TMEM132C: variants seen among roughly 807,000 people sequenced by gnomAD.
The protein encoded by TMEM132C is transmembrane protein 132C.
Under a neutral mutation model 61.4 loss-of-function variants are expected in TMEM132C, and 29 were observed. That is an observed-to-expected ratio of 0.47 (90% CI 0.35 to 0.64). TMEM132C has a LOEUF of 0.64. Ranked by LOEUF, TMEM132C falls within the 30% of genes least tolerant of loss-of-function variation. The pLI is 0.00. For synonymous variants in TMEM132C, 656 were observed against 633.1 expected, an observed-to-expected ratio of 1.04 and a Z score of -0.54; for missense variants, 1,408 against 1,476.9, an observed-to-expected ratio of 0.95 and a Z score of 0.76.
chr12:128,267,182 C>G lies in TMEM132C; in HGVS notation c.-221C>G, dbSNP rs1377859779. Among the ~76,000 whole-genome samples, 11 of 146,424 alleles carry G rather than the reference C, an allele frequency of 7.5e-5. No homozygotes were observed. The highest frequency in any genetic ancestry group is 1.7e-4 in the Non-Finnish European group (11 of 65,878). Reference sequence around the variant, plus strand: ...GGAGGCTGCGGGAGAAAAGTTGTCCCGGCCGGAGCGCGAGCAGCGGCGGAG... The same window carrying G: ...GGAGGCTGCGGGAGAAAAGTTGTCCGGGCCGGAGCGCGAGCAGCGGCGGAG... On this transcript the variant is annotated 5_prime_UTR_variant, in exon 1 of 9. Coordinates refer to ENST00000435159, the MANE Select transcript of TMEM132C (RefSeq NM_001136103.3).
intron 1 of TMEM132C, among the ~76,000 whole-genome samples, chr12:128,272,824 T>C (rs1158707552): frequency 6.6e-6 from 1 of 152,214 alleles, no homozygotes; most frequent in Non-Finnish European, 1.5e-5. Context: ...GTGAAATATC[T>C]TTTTCAAATA....
At chr12:128,580,205 G>A (rs1286628293) in intron 3 of TMEM132C, among the ~76,000 whole-genome samples, 4 of 152,070 alleles carry the variant, frequency 2.6e-5, no homozygotes, top group Non-Finnish European at 5.9e-5. Flanking sequence ...TAGCCTGGCA[G>A]ATAGATCGAG....
intron 2 of TMEM132C, among the ~76,000 whole-genome samples, chr12:128,526,911 A>C (rs558671441): frequency 6.6e-6 from 1 of 152,274 alleles, no homozygotes; most frequent in South Asian, 2.1e-4. Flanking sequence ...CAGCATGGGG[A>C]ACAGATCATG....
intron 1 of TMEM132C, among the ~76,000 whole-genome samples, chr12:128,393,584 G>T (rs1874840271): frequency 6.6e-6 from 1 of 152,150 alleles, no homozygotes; most frequent in Non-Finnish European, 1.5e-5. Flanking sequence ...ACATCTCTTA[G>T]CTTTCTTCTG....
chr12:128,508,143 C>T lies in TMEM132C; in HGVS notation c.975-35814C>T, dbSNP rs572123192. On this transcript the variant is annotated intron_variant, in intron 2 of 8. Transcript: ENST00000435159. ...GAGGTTTAATGGACTCACAGTTCCA[C>T]ATGGCTGGGGAGGCCTCACGATCAT... 2.7e-3 allele frequency among the ~76,000 whole-genome samples: 409 copies of T among 152,272 alleles called. 4 individuals are homozygous for T. Among genetic ancestry groups the T allele is most frequent in the African/African-American group, 9.2e-3 (383 of 41,560 alleles).
chr12:128,667,910 CTA>C (rs1264654731), intron 4 of TMEM132C, among the ~76,000 whole-genome samples: 1 of 152,184 alleles, frequency 6.6e-6, no homozygotes, highest in Non-Finnish European at 1.5e-5. Flanking sequence ...TCCCCATTGA[CTA>C]TGATGGAATG....
At chr12:128,401,831 A>G (rs908818357) in intron 1 of TMEM132C, among the ~76,000 whole-genome samples, 2 of 152,196 alleles carry the variant, frequency 1.3e-5, no homozygotes, top group African/African-American at 4.8e-5. Context: ...ACCTAGCAGA[A>G]CTGGCTGTGA....
At chr12:128,425,871 C>T (rs1025219042) in intron 2 of TMEM132C, among the ~76,000 whole-genome samples, 1 of 152,198 alleles carries the variant, frequency 6.6e-6, no homozygotes, top group African/African-American at 2.4e-5. Context: ...CAGAAGGATC[C>T]AGAAGGCTCT....
intron 1 of TMEM132C, among the ~76,000 whole-genome samples, chr12:128,293,646 C>A (rs1003583372): frequency 6.6e-6 from 1 of 152,030 alleles, no homozygotes; most frequent in African/African-American, 2.4e-5. Context: ...TCTTGATCTC[C>A]ACTTCTCAGG....
intron 3 of TMEM132C, among the ~76,000 whole-genome samples, chr12:128,603,356 T>G (rs1052974469): frequency 6.6e-6 from 1 of 152,148 alleles, no homozygotes; most frequent in African/African-American, 2.4e-5. Context: ...CTGAGACCAT[T>G]TAATAACTTA....
At chr12:128,667,801 C>T (rs11059818) in intron 4 of TMEM132C, among the ~76,000 whole-genome samples, 48,295 of 152,016 alleles carry the variant, frequency 0.32, 8,111 homozygotes, top group African/African-American at 0.44. Context: ...CAAAATCAAA[C>T]AGAAGGTATT....
intron 3 of TMEM132C, among the ~76,000 whole-genome samples, chr12:128,586,197 A>T (rs10847651): frequency 0.62 from 93,620 of 151,796 alleles, 30,374 homozygotes; most frequent in African/African-American, 0.84. Context: ...TTTTTGCATA[A>T]TTTTTGTTAT....
Position 128,268,306 on chromosome 12 carries a change from G to GT in TMEM132C, c.85+824dup, listed in dbSNP as rs1870385710. Among the ~76,000 whole-genome samples, 3 of 152,334 alleles carry GT rather than the reference G, an allele frequency of 2.0e-5. No individual in the cohort carries two copies. The South Asian group carries it at 6.2e-4, about 32-fold the overall frequency. ...AGGGCTCACGAAAGGTAGCCGTGTG[G>GT]TTTTTCCGACCTTTTTTATTATGTG... On this transcript the variant is annotated intron_variant, in intron 1 of 8. Transcript: ENST00000435159.
chr12:128,552,248 G>A (rs554256528), intron 3 of TMEM132C, among the ~76,000 whole-genome samples: 2 of 152,308 alleles, frequency 1.3e-5, no homozygotes, highest in African/African-American at 4.8e-5. Context: ...ATCTCTTCCA[G>A]AAGCAAATAT....
chr12:128,612,301 GC>G (rs1250843331), intron 3 of TMEM132C, among the ~76,000 whole-genome samples: 1 of 152,158 alleles, frequency 6.6e-6, no homozygotes, highest in Non-Finnish European at 1.5e-5. Context: ...CCAGGCCCCT[GC>G]CCCCAGTGCA....
chr12:128,671,545 TCTGGTGTTTAAAA>T lies in TMEM132C; in HGVS notation c.1449+1988_1449+2000del, dbSNP rs796891762. Among the ~76,000 whole-genome samples, 9 of 152,314 alleles carry T rather than the reference TCTGGTGTTTAAAA, an allele frequency of 5.9e-5. No individual in the cohort carries two copies. The East Asian group carries it at 1.7e-3, about 29-fold the overall frequency. Reference sequence around the variant, plus strand: ...CTGACAGATAGCAACCAGCCTTCTCTCTGGTGTTTAAAACTCCATGTCTGAGTAGAAGAGAAGT... The same window carrying T: ...CTGACAGATAGCAACCAGCCTTCTCTCTCCATGTCTGAGTAGAAGAGAAGT... On this transcript the variant is annotated intron_variant, in intron 5 of 8. Transcript: ENST00000435159.
intron 2 of TMEM132C, among the ~76,000 whole-genome samples, chr12:128,427,951 G>T (rs184056875): frequency 1.1e-4 from 17 of 152,182 alleles, no homozygotes; most frequent in Non-Finnish European, 2.4e-4. Context: ...AAAGGAGTGC[G>T]CAGCCTTTTC....
intron 1 of TMEM132C, among the ~76,000 whole-genome samples, chr12:128,399,517 C>G (rs1054930512): frequency 2.0e-5 from 3 of 152,164 alleles, no homozygotes; most frequent in Non-Finnish European, 4.4e-5. Flanking sequence ...TAAATCCCTC[C>G]AGATTTTTTT....
At chr12:128,381,846 G>A (rs564620535) in intron 1 of TMEM132C, among the ~76,000 whole-genome samples, 1 of 152,262 alleles carries the variant, frequency 6.6e-6, no homozygotes, top group South Asian at 2.1e-4. Flanking sequence ...CTTTTTGTCA[G>A]CAATGAAAAG....
Sources: allele counts gnomAD v4.1 joint callset (sites outside exome capture counted in the v4.1 genomes callset), GRCh38; gene constraint gnomAD v4.1.1; transcripts MANE v1.5; gene names NCBI Gene and HGNC (gene_info 2026-07-23, HGNC 2026-07-21).